Variants in NXN observed in about 807,000 individuals in gnomAD.
NXN encodes nucleoredoxin.
In NXN, 16 loss-of-function variants were observed where a neutral mutation model predicts 48.6. The ratio of observed to expected loss-of-function variants is 0.33; its 90% CI spans 0.22 to 0.50. The LOEUF (loss-of-function observed/expected upper bound fraction) is 0.50, where lower values mean the gene tolerates loss of function less well. Among genes scored for constraint, NXN ranks in the 20% least tolerant of loss-of-function variants. NXN has a pLI of 0.98. For missense variants in NXN, 492 were observed against 605.5 expected (o/e 0.81, Z 1.97); for synonymous variants, 281 against 269.6 (o/e 1.04, Z -0.41).
In NXN at chr17:891,041, A is replaced by G. The variant is rs543877814; in HGVS notation, c.361-64963T>C. Among the ~76,000 whole-genome samples the G allele has an allele frequency of 1.1e-3, 161 of 148,762 alleles. 1 individual carries two copies. The highest frequency in any genetic ancestry group is 5.4e-3 in the Admixed American group (82 of 15,080). Reference sequence around the variant, plus strand: ...TATCGGTCTGTCTGTCTGTCTGTCTATCTATCTATCTATCCGTCTGTCCAC... The same window carrying G: ...TATCGGTCTGTCTGTCTGTCTGTCTGTCTATCTATCTATCCGTCTGTCCAC... On this transcript the variant is annotated intron_variant, in intron 1 of 7. Transcript: ENST00000336868.
intron 1 of NXN, among the ~76,000 whole-genome samples, chr17:940,910 A>G (rs1156997591): frequency 6.7e-6 from 1 of 149,608 alleles, no homozygotes; most frequent in African/African-American, 2.5e-5. Flanking sequence ...TACAGTGAAC[A>G]AGATTCCAGG....
intron 1 of NXN, among the ~76,000 whole-genome samples, chr17:881,594 G>A (rs552354349): frequency 1.5e-4 from 23 of 152,034 alleles, no homozygotes; most frequent in African/African-American, 2.2e-4. Flanking sequence ...CCTGATAATC[G>A]ACTCAGAATT....
At chr17:891,726 C>A (rs2068419024) in intron 1 of NXN, among the ~76,000 whole-genome samples, 2 of 151,522 alleles carry the variant, frequency 1.3e-5, no homozygotes, top group Admixed American at 1.3e-4. Context: ...GGAACCTAAG[C>A]TAACCCCACC....
chr17:945,732 C>A (rs762022250), intron 1 of NXN, among the ~76,000 whole-genome samples: 28 of 152,122 alleles, frequency 1.8e-4, no homozygotes, highest in Non-Finnish European at 3.1e-4. Flanking sequence ...ATCTTTAGCC[C>A]CAAAATAATA....
At chr17:820,480 T>C (rs1038698142) in intron 4 of NXN, among the ~76,000 whole-genome samples, 2 of 149,428 alleles carry the variant, frequency 1.3e-5, no homozygotes, top group Non-Finnish European at 3.0e-5. Context: ...GGCATGGTGG[T>C]GGGCGCCTGT....
chr17:827,784 G>A (rs1165327606), intron 1 of NXN, among the ~76,000 whole-genome samples: 2 of 152,236 alleles, frequency 1.3e-5, no homozygotes, highest in African/African-American at 2.4e-5. Context: ...CCCTTGGGCA[G>A]AACAGGGCAA....
chr17:942,648 CAT>C (rs2068990791), intron 1 of NXN, among the ~76,000 whole-genome samples: 1 of 100,042 alleles, frequency 1.0e-5, no homozygotes, highest in African/African-American at 4.4e-5. Context: ...CATGAACTCA[CAT>C]CACACCTTCC....
intron 1 of NXN, among the ~76,000 whole-genome samples, chr17:947,212 C>A (rs1294260045): frequency 6.6e-6 from 1 of 152,144 alleles, no homozygotes; most frequent in East Asian, 1.9e-4. Context: ...AAAACCGTCA[C>A]AGGAATCATC....
Position 849,931 on chromosome 17 carries a change from C to G in NXN, c.361-23853G>C, listed in dbSNP as rs1168502421. On this transcript the variant is annotated intron_variant, in intron 1 of 7. Coordinates refer to ENST00000336868, the MANE Select transcript of NXN (RefSeq NM_022463.5). This position sits in a 1 kb window ranked among gnomAD's most constrained non-coding sequence, Gnocchi z 4.2. ...AGCCCCCAAGGAGCCCGAGAGCGAC[C>G]TGCTCCTGAAACCCCAGGCTGGTCC... Among the ~76,000 whole-genome samples the G allele has an allele frequency of 6.6e-6, 1 of 152,102 alleles. No individual in the cohort carries two copies. The highest frequency in any genetic ancestry group is 6.5e-5 in the Admixed American group (1 of 15,274).
chr17:888,990 G>A (rs942292430), intron 1 of NXN, among the ~76,000 whole-genome samples: 6 of 151,144 alleles, frequency 4.0e-5, no homozygotes, highest in Middle Eastern at 3.5e-3. Context: ...AAAGATTGAC[G>A]GAGCCACTTG....
chr17:815,626 G>A (rs2144620502), intron 5 of NXN, among the ~76,000 whole-genome samples: 1 of 151,910 alleles, frequency 6.6e-6, no homozygotes, highest in East Asian at 1.9e-4. Context: ...CCTAAGCTCT[G>A]TAGGTTTTGA....
chr17:803,323 G>A (rs521680), intron 7 of NXN, among the ~76,000 whole-genome samples: 81,541 of 151,898 alleles, frequency 0.54, 22,565 homozygotes, highest in East Asian at 0.79. Flanking sequence ...AGCCAGCGCG[G>A]AGGCACGAAC....
intron 4 of NXN, 112 bp downstream of exon 4, chr17:822,245 C>A (rs950852859): frequency 5.4e-6 from 4 of 737,490 alleles, no homozygotes; most frequent in Non-Finnish European, 9.1e-6. Context: ...CACCACTGCA[C>A]TCCAGCCTGG....
intron 1 of NXN, among the ~76,000 whole-genome samples, chr17:855,048 G>GTCC (rs1211653112): frequency 1.3e-5 from 2 of 152,028 alleles, no homozygotes; most frequent in Non-Finnish European, 2.9e-5. Context: ...AGGCCAAGGC[G>GTCC]GGAGGGTCAA....
rs541559052 is a variant in NXN, at chr17:976,052, A to C, written c.360+3267T>G. Reference sequence around the variant, plus strand: ...TACAATTTATGCACAGCTATATAATAATGTGTGTTTTGGAAGCTGAAATAA... The same window carrying C: ...TACAATTTATGCACAGCTATATAATCATGTGTGTTTTGGAAGCTGAAATAA... On this transcript the variant is annotated intron_variant, in intron 1 of 7. Transcript: ENST00000336868. Among the ~76,000 whole-genome samples the C allele has an allele frequency of 1.1e-4, 16 of 152,376 alleles. No homozygotes were observed. In the South Asian group the frequency reaches 3.3e-3, roughly 32 times the overall value.
At chr17:880,743 G>A (rs2068275279) in intron 1 of NXN, among the ~76,000 whole-genome samples, 1 of 152,156 alleles carries the variant, frequency 6.6e-6, no homozygotes, top group Admixed American at 6.5e-5. Context: ...AGGGGGCAGG[G>A]CTGGAGATCT....
At chr17:971,895 C>T (rs1193435549) in intron 1 of NXN, among the ~76,000 whole-genome samples, 6 of 152,058 alleles carry the variant, frequency 3.9e-5, no homozygotes, top group Non-Finnish European at 8.8e-5. Context: ...TGGCCGGGCG[C>T]CGCAGCTCAC....
intron 1 of NXN, among the ~76,000 whole-genome samples, chr17:829,894 CA>C (rs1192851596): frequency 6.6e-6 from 1 of 152,124 alleles, no homozygotes; most frequent in East Asian, 1.9e-4. Flanking sequence ...GGGTTGGTTC[CA>C]AGTCTTTGCT....
intron 1 of NXN, among the ~76,000 whole-genome samples, chr17:905,652 G>A (rs569126981): frequency 9.2e-5 from 14 of 152,180 alleles, no homozygotes; most frequent in Non-Finnish European, 1.8e-4. Flanking sequence ...TAAGCCACAT[G>A]TATCATCTTA....
Sources: gnomAD v4.1 joint callset for allele counts (sites outside exome capture counted in the v4.1 genomes callset) on GRCh38, gnomAD v4.1.1 for gene constraint, Gnocchi (gnomAD v3.1) non-coding constraint, MANE v1.5 for transcripts, NCBI Gene and HGNC (gene_info 2026-07-23, HGNC 2026-07-21) for gene names.